VSIG1: variants seen among roughly 807,000 people sequenced by gnomAD.
VSIG1 encodes the protein V-set and immunoglobulin domain containing 1, also known as V-set and immunoglobulin domain-containing protein 1.
In VSIG1, 11 loss-of-function variants were observed where a neutral mutation model predicts 20.1. That is an observed-to-expected ratio of 0.55 (90% CI 0.34 to 0.91). The LOEUF (loss-of-function observed/expected upper bound fraction) is 0.91, where lower values mean the gene tolerates loss of function less well. VSIG1 is among the 40% of genes least tolerant of loss of function. The probability of loss-of-function intolerance (pLI) is 0.02; values close to 1 mark genes in which losing one functional copy is unlikely to be tolerated. For synonymous variants in VSIG1, 126 were observed against 116.7 expected (o/e 1.08, Z -0.52); for missense variants, 283 against 298.8 (o/e 0.95, Z 0.39).
chrX:108,040,091 G>C (rs945529264), upstream of VSIG1, among the ~76,000 whole-genome samples: 5 of 111,276 alleles, frequency 4.5e-5, no homozygotes, highest in Non-Finnish European at 9.4e-5. Flanking sequence ...AAAGGAAAGT[G>C]ATAGACCAGA....
chrX:108,057,961 TGTAA>T, intron 1 of VSIG1, 73 bp from the exon 2 acceptor site: 1 of 988,194 alleles, frequency 1.0e-6, no homozygotes, highest in Admixed American at 2.7e-5. Context: ...AGGATGTCTT[TGTAA>T]GTGTTCTGTG....
At chrX:108,047,665 C>T (rs2030610079) in intron 1 of VSIG1, among the ~76,000 whole-genome samples, 2 of 103,465 alleles carry the variant, frequency 1.9e-5, no homozygotes, top group Non-Finnish European at 3.9e-5. Flanking sequence ...GGATATTTTG[C>T]TGTGGTACAT....
chrX:108,043,957 A>G (rs1481143626), upstream of VSIG1, among the ~76,000 whole-genome samples: 7 of 112,060 alleles, frequency 6.2e-5, no homozygotes, highest in Non-Finnish European at 1.3e-4. Context: ...ATGGGAATCC[A>G]TATTAAGGAC....
the VSIG1 span, among the ~76,000 whole-genome samples, chrX:108,024,431 C>G: frequency 7.4e-5 from 8 of 108,730 alleles, no homozygotes; most frequent in Non-Finnish European, 1.1e-4. Context: ...GTTTTCTGTT[C>G]GCTATCTCAT....
chrX:108,045,718 C>T (rs139926877), intron 1 of VSIG1, among the ~76,000 whole-genome samples: 1,127 of 112,154 alleles, frequency 0.01, 3 homozygotes, highest in Middle Eastern at 0.018. Flanking sequence ...TGGTGCACAA[C>T]ATGGGTGATT....
intron 2 of VSIG1, among the ~76,000 whole-genome samples, chrX:108,066,215 C>A (rs1201209668): frequency 9.0e-6 from 1 of 111,669 alleles, no homozygotes; most frequent in Non-Finnish European, 1.9e-5. Flanking sequence ...GTCTGAGATG[C>A]CTTATTTGTT....
In VSIG1 at chrX:108,071,771, G is replaced by A. The variant is rs968091374; in HGVS notation, c.413-906G>A. Among the ~76,000 whole-genome samples the A allele has an allele frequency of 5.5e-5, 6 of 108,990 alleles. 1 individual carries two copies. In the Admixed American group the frequency reaches 5.9e-4, roughly 11 times the overall value. The allele number at this position is 108,990 out of a possible 115,157, so 94.6% of individuals were successfully genotyped here. A position where few individuals can be genotyped will look rare whatever the true frequency, so the allele number is the denominator to read the frequency against. ...AGGCATGGGTGCTTGCTGAGTGAAG[G>A]ATGAATAAATATTTCAGTGCTGAGT... On this transcript the variant is annotated intron_variant, in intron 3 of 6. Coordinates refer to ENST00000217957, the MANE Select transcript of VSIG1 (RefSeq NM_182607.5).
At chrX:108,069,334 T>C (rs1196609625) in intron 3 of VSIG1, among the ~76,000 whole-genome samples, 1 of 111,863 alleles carries the variant, frequency 8.9e-6, no homozygotes, top group Non-Finnish European at 1.9e-5. Context: ...GTGGATTTCC[T>C]TGTTTGTTTA....
chrX:108,070,810 C>T (rs991676720), intron 3 of VSIG1, among the ~76,000 whole-genome samples: 1 of 112,075 alleles, frequency 8.9e-6, no homozygotes, highest in Non-Finnish European at 1.9e-5. Context: ...ATTAAAAAGA[C>T]ACATGCTTAA....
chrX:108,077,321 AGAGCCTGGGGTTGTAGTT>A lies in VSIG1; in HGVS notation c.1110_1127del (p.Gly371_Pro376del). 8.2e-7 allele frequency: 1 copy of A among 1,212,336 alleles called. No individual in the cohort carries two copies. The highest frequency in any genetic ancestry group is 2.3e-4 in the Middle Eastern group (1 of 4,355). On this transcript the variant is annotated inframe_deletion, in exon 7 of 7. Transcript: ENST00000217957. Reference sequence around the variant, plus strand: ...CAGAGCCAGAGCCAGAGCCAGAGTCAGAGCCTGGGGTTGTAGTTGAGCCCTTAAGTGAAGATGAAAAGG... The same window carrying A: ...CAGAGCCAGAGCCAGAGCCAGAGTCAGAGCCCTTAAGTGAAGATGAAAAGG...
rs1200555561 is a variant in VSIG1, at chrX:108,077,058, A to C, written c.841A>C (p.Lys281Gln). 3 of 1,202,582 alleles carry C rather than the reference A, an allele frequency of 2.5e-6. No homozygotes were observed. The Admixed American group carries it at 6.7e-5, about 27-fold the overall frequency. ...CCTTCTTTCTTGCAGGCCAATGACA[A>C]AGATAAACCCAAGGGGAGAAAGCGA... ...KTIAELEPMT[K>Q]INPRGESEAM... Residue 281 changes from lysine (K) to glutamine (Q), a missense_variant, in exon 7 of 7, where the codon AAG (lysine) becomes CAG (glutamine). By Grantham distance (53) the Lys-to-Gln change is moderately conservative. Coordinates refer to ENST00000217957, the MANE Select transcript of VSIG1 (RefSeq NM_182607.5).
chrX:108,025,513 A>C, the VSIG1 span, among the ~76,000 whole-genome samples: 4 of 112,315 alleles, frequency 3.6e-5, no homozygotes, highest in Non-Finnish European at 5.6e-5. Context: ...TCTTTGAACT[A>C]GTAAAGATTC....
intron 1 of VSIG1, among the ~76,000 whole-genome samples, chrX:108,048,009 T>C (rs2030699425): frequency 1.3e-5 from 1 of 74,466 alleles, no homozygotes; most frequent in South Asian, 7.0e-4. Context: ...TATACACATA[T>C]ATATATTCTT....
rs1336567648 is a variant in VSIG1 at position 108,078,819 on chromosome X, T to C, written c.*1438T>C. ...CCAGAAAAGTGTTCTAAGTGAACTC[T>C]TAAGATCTATTTTAGATAATTTCAA... is the stretch of plus-strand genomic sequence containing the variant. On this transcript the variant is annotated 3_prime_UTR_variant, in exon 7 of 7. Coordinates refer to ENST00000217957, the MANE Select transcript of VSIG1 (RefSeq NM_182607.5). 1 of 112,286 alleles carries C rather than the reference T, an allele frequency of 8.9e-6. No homozygotes were observed. The highest frequency in any genetic ancestry group is 3.2e-5 in the African/African-American group (1 of 30,870). 9.3% of individuals were successfully genotyped at this position (112,286 alleles called of 1,213,427 possible).
rs1299294793 is a variant in VSIG1 at position 108,076,220 on chromosome X, T to C, written c.830+2T>C. The C allele has an allele frequency of 3.3e-6, 4 of 1,203,807 alleles. No homozygotes were observed. In the African/African-American group the frequency reaches 5.3e-5, roughly 16 times the overall value. On this transcript the variant is annotated splice_donor_variant, in intron 6 of 6. Coordinates refer to ENST00000217957, the MANE Select transcript of VSIG1 (RefSeq NM_182607.5). LOFTEE classifies it high-confidence loss of function. The stretch of plus-strand genomic sequence containing the variant: ...TTCTAAGACCATCGCGGAACTTGAG[T>C]AAGCCTTCATTTTGTTGTCTTTACT...
chrX:108,056,374 C>T, intron 1 of VSIG1, among the ~76,000 whole-genome samples: 1 of 111,304 alleles, frequency 9.0e-6, no homozygotes, highest in Non-Finnish European at 1.9e-5. Flanking sequence ...CAAGGATGTC[C>T]ACTCTCATCT....
chrX:108,058,258 G>A, intron 2 of VSIG1, 57 bp downstream of exon 2: 1 of 1,091,839 alleles, frequency 9.2e-7, no homozygotes, highest in Non-Finnish European at 1.2e-6. Context: ...GAAAACTGTT[G>A]GGGTAGAAAA....
chrX:108,066,380 T>C (rs894330804), intron 2 of VSIG1, among the ~76,000 whole-genome samples: 2 of 111,726 alleles, frequency 1.8e-5, no homozygotes, highest in African/African-American at 3.3e-5. Flanking sequence ...ATTTCTAAGA[T>C]GCTTTTCCGC....
At chrX:108,024,923 C>G in the VSIG1 span, among the ~76,000 whole-genome samples, 12 of 111,275 alleles carry the variant, frequency 1.1e-4, no homozygotes, top group Non-Finnish European at 2.1e-4. Context: ...GTTTATTCTT[C>G]TATTGTTGGG....
Sources: allele counts gnomAD v4.1 joint callset (sites outside exome capture counted in the v4.1 genomes callset), GRCh38; gene constraint gnomAD v4.1.1; transcripts MANE v1.5; gene names NCBI Gene and HGNC (gene_info 2026-07-23, HGNC 2026-07-21).